The following MAST4 variants were observed in gnomAD, a reference collection of about 807,000 sequenced individuals.
MAST4 encodes the protein microtubule-associated serine/threonine-protein kinase 4.
In MAST4, 89 loss-of-function variants were observed where a neutral mutation model predicts 162.7. The ratio of observed to expected loss-of-function variants is 0.55; its 90% CI spans 0.46 to 0.65. The LOEUF is 0.65. Ranked by LOEUF, MAST4 falls within the 30% of genes least tolerant of loss-of-function variation. The probability of loss-of-function intolerance (pLI) is 0.00; values close to 1 mark genes in which losing one functional copy is unlikely to be tolerated. For synonymous variants in MAST4, 1,479 were observed against 1,361.1 expected, an observed-to-expected ratio of 1.09 and a Z score of -1.91; for missense variants, 3,153 against 3,374.0, an observed-to-expected ratio of 0.93 and a Z score of 1.62.
chr5:67,066,159 G>A (rs1760203778), intron 5 of MAST4, among the ~76,000 whole-genome samples: 1 of 151,864 alleles, frequency 6.6e-6, no homozygotes, highest in Non-Finnish European at 1.5e-5. Context: ...TTAAAAATAT[G>A]TTTAAAAACT....
chr5:66,609,368 A>C (rs563582591), intron 1 of MAST4, among the ~76,000 whole-genome samples: 20 of 150,510 alleles, frequency 1.3e-4, no homozygotes, highest in African/African-American at 4.7e-4. Context: ...AATCTATCAA[A>C]ACTTGTTTTG....
chr5:67,038,241 C>CT (rs55716804), intron 4 of MAST4, among the ~76,000 whole-genome samples: 67,440 of 143,802 alleles, frequency 0.47, 17,047 homozygotes, highest in East Asian at 0.64. Context: ...TTTAGTTTCT[C>CT]TTTTTTTTTT....
At chr5:66,826,620 C>T (rs1433591646) in intron 3 of MAST4, among the ~76,000 whole-genome samples, 11 of 152,210 alleles carry the variant, frequency 7.2e-5, no homozygotes, top group East Asian at 1.9e-4. Context: ...CCCAATCCCC[C>T]GTCTCTTTCT....
intron 1 of MAST4, among the ~76,000 whole-genome samples, chr5:66,635,365 A>T (rs1267651652): frequency 6.6e-6 from 1 of 152,216 alleles, no homozygotes; most frequent in African/African-American, 2.4e-5. Context: ...GTTCCTGGAA[A>T]AGGAGACAAC....
chr5:66,601,345 C>T (rs772184380), intron 1 of MAST4, among the ~76,000 whole-genome samples: 1 of 152,220 alleles, frequency 6.6e-6, no homozygotes, highest in Non-Finnish European at 1.5e-5. Flanking sequence ...GAGTCTGACT[C>T]TGAGACATCG....
At chr5:66,843,751 T>C (rs1758594154) in intron 3 of MAST4, among the ~76,000 whole-genome samples, 1 of 152,148 alleles carries the variant, frequency 6.6e-6, no homozygotes, top group Non-Finnish European at 1.5e-5. Context: ...AGTTCTGTAA[T>C]TTCTAGGTAG....
chr5:67,000,756 A>AG (rs71610548), intron 4 of MAST4, among the ~76,000 whole-genome samples: 2,261 of 141,370 alleles, frequency 0.016, 29 homozygotes, highest in Middle Eastern at 0.04. Flanking sequence ...CTAAAAAAAA[A>AG]GGGGGGGGGT....
Position 67,149,566 on chromosome 5 carries a change from C to T in MAST4, c.3272C>T (p.Ala1091Val). ...GTCACAAAGTCCCTCTCTGCCAGTG[C>T]TCTTTCCCTCATGATCCCAGGAGGT... The part of the protein sequence containing the change: ...GKVTKSLSAS[A>V]LSLMIPGDMF... Residue 1091 changes from alanine (A) to valine (V), a missense_variant, in exon 24 of 29, where the codon GCT becomes GTT. Transcript: ENST00000403625. 1 of 1,613,662 alleles carries T rather than the reference C, an allele frequency of 6.2e-7. No homozygotes were observed. Among genetic ancestry groups the T allele is most frequent in the Non-Finnish European group, 8.5e-7 (1 of 1,179,734 alleles).
chr5:66,637,400 T>C (rs1745193606), intron 1 of MAST4, among the ~76,000 whole-genome samples: 1 of 152,164 alleles, frequency 6.6e-6, no homozygotes, highest in Non-Finnish European at 1.5e-5. Flanking sequence ...TATTGTCACA[T>C]CATCCTTTAA....
Position 67,054,190 on chromosome 5 carries a change from A to G in MAST4, c.675-214A>G, listed in dbSNP as rs147813061. Among the ~76,000 whole-genome samples the G allele has an allele frequency of 3.2e-3, 494 of 152,282 alleles. 3 individuals are homozygous for G. Among genetic ancestry groups the G allele is most frequent in the African/African-American group, 0.011 (460 of 41,550 alleles). On this transcript the variant is annotated intron_variant, in intron 4 of 28. Coordinates refer to ENST00000403625, the MANE Select transcript of MAST4 (RefSeq NM_001164664.2). ...ATTATTGCTCCACTGGTGGTGAGGAATATTGATGGTGTTGTGCTATATGAA... is the reference window on the plus strand; with the variant it reads ...ATTATTGCTCCACTGGTGGTGAGGAGTATTGATGGTGTTGTGCTATATGAA...
At chr5:67,026,504 A>C (rs1010964606) in intron 4 of MAST4, among the ~76,000 whole-genome samples, 1 of 152,240 alleles carries the variant, frequency 6.6e-6, no homozygotes, top group Non-Finnish European at 1.5e-5. Context: ...TAATTCATGC[A>C]ACCATCAGCA....
intron 5 of MAST4, among the ~76,000 whole-genome samples, chr5:67,071,545 A>C (rs1193275499): frequency 6.6e-6 from 1 of 152,186 alleles, no homozygotes; most frequent in Non-Finnish European, 1.5e-5. Context: ...GTATCACCTG[A>C]GGTCAGGAGT....
chr5:66,891,074 C>T (rs1437146418), intron 3 of MAST4, among the ~76,000 whole-genome samples: 1 of 152,170 alleles, frequency 6.6e-6, no homozygotes, highest in East Asian at 1.9e-4. Flanking sequence ...TTTTATTTTA[C>T]AGTTTGTCTC....
chr5:66,691,849 A>G lies in MAST4; in HGVS notation c.364-67860A>G, dbSNP rs149587944. On this transcript the variant is annotated intron_variant, in intron 1 of 28. Transcript: ENST00000403625. ...TTGGCGGAACACAGACATTCAGTCT[A>G]TTGTTCTTAGTAATGGCCATCTCTT... is the stretch of plus-strand genomic sequence containing the variant. Among the ~76,000 whole-genome samples the G allele has an allele frequency of 6.8e-3, 1,037 of 152,262 alleles. 8 individuals are homozygous for G. The highest frequency in any genetic ancestry group is 0.011 in the Admixed American group (165 of 15,280).
intron 1 of MAST4, among the ~76,000 whole-genome samples, chr5:66,685,674 A>G (rs1748611411): frequency 6.6e-6 from 1 of 152,198 alleles, no homozygotes; most frequent in Non-Finnish European, 1.5e-5. Flanking sequence ...TCGGGGAACC[A>G]TGTTTAGGAG....
chr5:67,051,227 G>A (rs1344579229), intron 4 of MAST4, among the ~76,000 whole-genome samples: 3 of 149,912 alleles, frequency 2.0e-5, no homozygotes, highest in Non-Finnish European at 4.5e-5. Flanking sequence ...TTGTGCTGGT[G>A]AAAAGGAAGG....
chr5:66,619,398 A>T (rs1743930489), intron 1 of MAST4, among the ~76,000 whole-genome samples: 1 of 75,682 alleles, frequency 1.3e-5, no homozygotes, highest in Admixed American at 1.1e-4. Flanking sequence ...CTGAAAACTC[A>T]TAAAAATTCA....
At chr5:66,838,500 A>C (rs1346373172) in intron 3 of MAST4, among the ~76,000 whole-genome samples, 1 of 152,222 alleles carries the variant, frequency 6.6e-6, no homozygotes, top group African/African-American at 2.4e-5. Flanking sequence ...TAGCAGTACA[A>C]AAATGAGTGG....
chr5:66,653,525 A>G (rs971977911), intron 1 of MAST4, among the ~76,000 whole-genome samples: 3 of 152,162 alleles, frequency 2.0e-5, no homozygotes, highest in Non-Finnish European at 4.4e-5. Flanking sequence ...TGTTGCATTC[A>G]AGGCTCTTTC....
Sources: allele counts gnomAD v4.1 joint callset (sites outside exome capture counted in the v4.1 genomes callset), GRCh38; gene constraint gnomAD v4.1.1; transcripts MANE v1.5; gene names NCBI Gene and HGNC (gene_info 2026-07-23, HGNC 2026-07-21).